Variants in ITIH2 observed in about 807,000 individuals in gnomAD.
ITIH2 encodes inter-alpha-trypsin inhibitor heavy chain H2.
Under a neutral mutation model 104.4 loss-of-function variants are expected in ITIH2, and 103 were observed. That is an observed-to-expected ratio of 0.99 (90% CI 0.84 to 1.16). The LOEUF (loss-of-function observed/expected upper bound fraction) is 1.16. ITIH2 is among the 50% of genes most tolerant of loss of function. ITIH2 has a pLI of 0.00. For missense variants in ITIH2, 1,108 were observed against 1,162.4 expected, an observed-to-expected ratio of 0.95 and a Z score of 0.68; for synonymous variants, 436 against 435.4, an observed-to-expected ratio of 1.00 and a Z score of -0.02.
At chr10:7,708,913 G>T in intron 3 of ITIH2, 109 bp from the exon 4 acceptor site, 1 of 917,268 alleles carries the variant, frequency 1.1e-6, no homozygotes, top group Non-Finnish European at 1.7e-6. Flanking sequence ...GAATTGTTCT[G>T]CTAGTAAAAC....
intron 12 of ITIH2, 41 bp from the exon 13 acceptor site, chr10:7,731,770 A>C: frequency 7.4e-7 from 1 of 1,350,372 alleles, no homozygotes. Flanking sequence ...TCTACAAAGC[A>C]GTAGGAACAT....
intron 20 of ITIH2, among the ~76,000 whole-genome samples, 173 bp downstream of exon 20, chr10:7,746,877 C>G (rs1434351786): frequency 2.0e-5 from 3 of 151,442 alleles, no homozygotes; most frequent in African/African-American, 4.8e-5. Flanking sequence ...TGATATCCCA[C>G]GTTAAATGCA....
intron 2 of ITIH2, among the ~76,000 whole-genome samples, chr10:7,705,453 C>T (rs1834737601): frequency 6.6e-6 from 1 of 152,112 alleles, no homozygotes; most frequent in African/African-American, 2.4e-5. Flanking sequence ...CACTTATAAT[C>T]ACAGCATTTT....
At chr10:7,705,734 T>C (rs1428048231) in intron 2 of ITIH2, among the ~76,000 whole-genome samples, 1 of 151,174 alleles carries the variant, frequency 6.6e-6, no homozygotes, top group Non-Finnish European at 1.5e-5. Flanking sequence ...TACATGGCTA[T>C]GTGTTTTCTT....
chr10:7,715,349 A>C (rs1032040762), intron 5 of ITIH2, among the ~76,000 whole-genome samples: 4 of 151,990 alleles, frequency 2.6e-5, no homozygotes, highest in African/African-American at 9.7e-5. Context: ...TGAACCAGGG[A>C]GTTGGAGGTT....
At chr10:7,704,245 G>C (rs527777349) in intron 1 of ITIH2, among the ~76,000 whole-genome samples, 17 of 152,336 alleles carry the variant, frequency 1.1e-4, no homozygotes, top group African/African-American at 3.8e-4. Flanking sequence ...AATACTTGCA[G>C]AGTGGATTAC....
intron 4 of ITIH2, 52 bp from the exon 5 acceptor site, chr10:7,713,129 A>G: frequency 6.9e-7 from 1 of 1,458,310 alleles, no homozygotes; most frequent in Non-Finnish European, 9.5e-7. Flanking sequence ...CGAGGGGAAA[A>G]AAAAAAAAGA....
At chr10:7,708,960 C>T in intron 3 of ITIH2, 62 bp from the exon 4 acceptor site, 2 of 1,394,646 alleles carry the variant, frequency 1.4e-6, no homozygotes, top group South Asian at 1.2e-5. Context: ...AAATGCACTA[C>T]ATTTGATGAA....
At position 7,717,083 on chromosome 10, in the gene ITIH2, A is replaced by G. The variant is rs545395316; in HGVS notation, c.468-543A>G. Among the ~76,000 whole-genome samples, 333 of 151,878 alleles carry G rather than the reference A, an allele frequency of 2.2e-3. 1 individual carries two copies. Among genetic ancestry groups the G allele is most frequent in the African/African-American group, 7.2e-3 (300 of 41,418 alleles). ...TTTCTCCTGCCTCAGCCTCCTGAGT[A>G]GCTGGGATTACAGGAACACACCACC... On this transcript the variant is annotated intron_variant, in intron 5 of 20. Coordinates refer to ENST00000358415, the MANE Select transcript of ITIH2 (RefSeq NM_002216.3).
intron 4 of ITIH2, among the ~76,000 whole-genome samples, chr10:7,709,461 C>T (rs1451057726): frequency 6.6e-6 from 1 of 151,960 alleles, no homozygotes; most frequent in East Asian, 1.9e-4. Context: ...AATATACTTT[C>T]TAGGGAGGAG....
intron 11 of ITIH2, 24 bp downstream of exon 11, chr10:7,727,852 A>T: frequency 6.2e-7 from 1 of 1,610,990 alleles, no homozygotes; most frequent in Non-Finnish European, 8.5e-7. Context: ...CAACCTTCTC[A>T]CGACAAACAC....
chr10:7,735,046 C>T lies in ITIH2; in HGVS notation c.1912C>T (p.Arg638Cys), dbSNP rs566494066. 126 of 1,612,648 alleles carry T rather than the reference C, an allele frequency of 7.8e-5. No individual in the cohort carries two copies. In the South Asian group the frequency reaches 1.3e-3, roughly 16 times the overall value. ...GATCGAGAACGAGGCTGGGGATGAG[C>T]GCATGCTGGCGGATGCCCCACCGCA... is the stretch of plus-strand genomic sequence containing the variant. ...LVIENEAGDE[R>C]MLADAPPQDP... The change falls in exon 15 of 21, where the codon CGC (arginine) becomes TGC (cysteine). Residue 638 changes from arginine to cysteine, a missense_variant. Arg to Cys is a radical substitution (Grantham distance 180). Transcript: ENST00000358415.
chr10:7,707,946 G>A (rs1043072574), intron 3 of ITIH2, among the ~76,000 whole-genome samples: 4 of 152,162 alleles, frequency 2.6e-5, no homozygotes, highest in African/African-American at 7.2e-5. Flanking sequence ...AACACAAAAC[G>A]GCCCAGTTCC....
chr10:7,703,542 T>C, intron 1 of ITIH2, 24 bp downstream of exon 1: 1 of 1,446,942 alleles, frequency 6.9e-7, no homozygotes, highest in Non-Finnish European at 9.7e-7. Context: ...GATCACTCCT[T>C]GCTGTTGGCT....
At chr10:7,744,758 A>G (rs1166373312) in intron 18 of ITIH2, 33 bp from the exon 19 acceptor site, 3 of 1,593,692 alleles carry the variant, frequency 1.9e-6, no homozygotes, top group Non-Finnish European at 2.6e-6. Context: ...TCTGTTCTGG[A>G]ATGGTTTAAT....
chr10:7,746,484 CCCTAGAAAT>C, intron 19 of ITIH2, 100 bp from the exon 20 acceptor site: 1 of 707,810 alleles, frequency 1.4e-6, no homozygotes, highest in Non-Finnish European at 2.5e-6. Context: ...TGTCTTTCCA[CCCTAGAAAT>C]CCTGGAGGGA....
chr10:7,736,777 A>G (rs766532515), intron 15 of ITIH2, among the ~76,000 whole-genome samples: 5 of 152,182 alleles, frequency 3.3e-5, no homozygotes, highest in Non-Finnish European at 7.3e-5. Context: ...ATTGAAAGAG[A>G]CAGGATTCGG....
intron 10 of ITIH2, 120 bp downstream of exon 10, chr10:7,727,238 A>G (rs1300775874): frequency 2.6e-6 from 2 of 768,826 alleles, no homozygotes; most frequent in Non-Finnish European, 4.1e-6. Flanking sequence ...CCTATCTTAA[A>G]TAATACATTT....
In ITIH2 at chr10:7,735,104, C is replaced by T. The variant is rs1379060977; in HGVS notation, c.1957+13C>T. 2.5e-6 allele frequency: 4 copies of T among 1,594,646 alleles called. No homozygotes were observed. The highest frequency in any genetic ancestry group is 3.4e-6 in the Non-Finnish European group (4 of 1,174,058). On this transcript the variant is annotated intron_variant, in intron 15 of 20. Coordinates refer to ENST00000358415, the MANE Select transcript of ITIH2 (RefSeq NM_002216.3). Reference sequence around the variant, plus strand: ...TCCTGCTGCTCAGGTCAGGGCTGCACCTGTGGGGACAAGTGGCCAGGCAGC... The same window carrying T: ...TCCTGCTGCTCAGGTCAGGGCTGCATCTGTGGGGACAAGTGGCCAGGCAGC...
Sources: gnomAD v4.1 joint callset for allele counts (sites outside exome capture counted in the v4.1 genomes callset) on GRCh38, gnomAD v4.1.1 for gene constraint, MANE v1.5 for transcripts, NCBI Gene and HGNC (gene_info 2026-07-23, HGNC 2026-07-21) for gene names.